FBXO33: variants seen among roughly 807,000 people sequenced by gnomAD.
FBXO33 encodes F-box protein 33, also known as F-box only protein 33.
Under a neutral mutation model 46.3 loss-of-function variants are expected in FBXO33, and 22 were observed. The ratio of observed to expected loss-of-function variants is 0.48; its 90% CI spans 0.34 to 0.68. FBXO33 has a LOEUF of 0.68. FBXO33 is among the 30% of genes least tolerant of loss of function. FBXO33 has a pLI of 0.01. For missense variants in FBXO33, 692 were observed against 708.8 expected, an observed-to-expected ratio of 0.98 and a Z score of 0.27; for synonymous variants, 337 against 291.3, an observed-to-expected ratio of 1.16 and a Z score of -1.60.
At position 39,401,800 on chromosome 14, in the gene FBXO33, C is replaced by T; in HGVS notation, c.772G>A (p.Gly258Arg). The T allele has an allele frequency of 6.2e-7, 1 of 1,614,096 alleles. No individual in the cohort carries two copies. Among genetic ancestry groups the T allele is most frequent in the Non-Finnish European group, 8.5e-7 (1 of 1,180,006 alleles). The part of the protein sequence containing the change: ...NSRQLKWLSC[G>R]FMLEIVTPTS... ...GGGGTTACTATTTCCAGCATAAACCCACAGGACAGCCATTTCAGTTGCCTA... is the reference window on the plus strand; with the variant it reads ...GGGGTTACTATTTCCAGCATAAACCTACAGGACAGCCATTTCAGTTGCCTA... Residue 258 changes from glycine to arginine, a missense_variant, in exon 3 of 4, where the codon GGG becomes AGG. Gly to Arg is a moderately radical substitution (Grantham distance 125). Coordinates refer to ENST00000298097, the MANE Select transcript of FBXO33 (RefSeq NM_203301.4).
intron 1 of FBXO33, among the ~76,000 whole-genome samples, chr14:39,419,358 T>TA (rs533187388): frequency 4.6e-5 from 7 of 151,908 alleles, no homozygotes; most frequent in African/African-American, 1.5e-4. Context: ...TAGAAAACCA[T>TA]AAAAAAAATG....
Position 39,405,304 on chromosome 14 carries a change from T to C in FBXO33, c.600-2793A>G, listed in dbSNP as rs1303994842. ...CTTGAACTGGAGTTTTGTTGGTCAA[T>C]GTAGAGAAAATGGACAGCCTCAAGC... is the stretch of plus-strand genomic sequence containing the variant. On this transcript the variant is annotated intron_variant, in intron 1 of 3. Transcript: ENST00000298097. Among the ~76,000 whole-genome samples the C allele has an allele frequency of 2.6e-5, 4 of 152,084 alleles. No individual in the cohort carries two copies. The East Asian group carries it at 7.7e-4, about 29-fold the overall frequency.
chr14:39,420,678 G>A (rs766107694), intron 1 of FBXO33, among the ~76,000 whole-genome samples: 4 of 151,684 alleles, frequency 2.6e-5, no homozygotes, highest in Non-Finnish European at 4.4e-5. Context: ...GGGACAGAGC[G>A]AAACTCTGTC....
intron 1 of FBXO33, among the ~76,000 whole-genome samples, chr14:39,420,477 T>A (rs997093773): frequency 1.3e-5 from 2 of 151,924 alleles, no homozygotes; most frequent in African/African-American, 4.8e-5. Flanking sequence ...GATCACGAGG[T>A]CAGATCGAGA....
At chr14:39,414,852 G>A (rs959816028) in intron 1 of FBXO33, among the ~76,000 whole-genome samples, 3 of 151,958 alleles carry the variant, frequency 2.0e-5, no homozygotes, top group African/African-American at 7.3e-5. Flanking sequence ...TGTAGGGATG[G>A]GGGTCTATGT....
In FBXO33 at chr14:39,431,243, A is replaced by C. The variant is rs528074822; in HGVS notation, c.599+321T>G. Among the ~76,000 whole-genome samples, 517 of 152,186 alleles carry C rather than the reference A, an allele frequency of 3.4e-3. 2 individuals are homozygous for C. Among genetic ancestry groups the C allele is most frequent in the Non-Finnish European group, 5.4e-3 (369 of 68,006 alleles). ...CACAGGCCTCACCCTCCCAGTCTTAACGCTCCCATATATAAAATGAAAAGT... is the reference window on the plus strand; with the variant it reads ...CACAGGCCTCACCCTCCCAGTCTTACCGCTCCCATATATAAAATGAAAAGT... On this transcript the variant is annotated intron_variant, in intron 1 of 3. Transcript: ENST00000298097.
intron 1 of FBXO33, among the ~76,000 whole-genome samples, chr14:39,417,449 T>C (rs1190440626): frequency 6.6e-6 from 1 of 152,250 alleles, no homozygotes; most frequent in Non-Finnish European, 1.5e-5. Flanking sequence ...CCTATCATGG[T>C]TTCTCAGTTA....
chr14:39,420,103 CCTA>C (rs1295172344), intron 1 of FBXO33, among the ~76,000 whole-genome samples: 1 of 152,184 alleles, frequency 6.6e-6, no homozygotes, highest in Non-Finnish European at 1.5e-5. Context: ...AGACTGCTCT[CCTA>C]CTTTTTGCTT....
chr14:39,424,882 G>A (rs1294688366), intron 1 of FBXO33, among the ~76,000 whole-genome samples: 2 of 151,960 alleles, frequency 1.3e-5, no homozygotes, highest in African/African-American at 2.4e-5. Context: ...GTGAAACCCC[G>A]TCTCTACTAA....
Position 39,401,270 on chromosome 14 carries a change from T to C in FBXO33, c.1302A>G (p.Thr434=), listed in dbSNP as rs767062419. Residue 434 remains threonine, a synonymous_variant, in exon 3 of 4, where the codon ACA becomes ACG. Transcript: ENST00000298097. ...HFILMNDVID[T]SGFPDLSDNR... is the part of the protein sequence containing the mutation. ...TGTCACTAAGATCTGGAAAACCAGA[T>C]GTGTCAATCACATCATTCATTAAAA... is the stretch of plus-strand genomic sequence containing the variant. The C allele has an allele frequency of 1.4e-5, 23 of 1,614,122 alleles. No individual in the cohort carries two copies. Among genetic ancestry groups the C allele is most frequent in the South Asian group, 8.8e-5 (8 of 91,066 alleles).
intron 3 of FBXO33, among the ~76,000 whole-genome samples, chr14:39,400,853 G>A (rs1273732821): frequency 6.6e-6 from 1 of 152,160 alleles, no homozygotes; most frequent in African/African-American, 2.4e-5. Flanking sequence ...ATGTTTTAAG[G>A]GGTCGTGTGA....
chr14:39,398,017 G>C lies in FBXO33; in HGVS notation c.*1499C>G, dbSNP rs2075350953. 6.6e-6 allele frequency: 1 copy of C among 152,592 alleles called. No homozygotes were observed. The highest frequency in any genetic ancestry group is 2.4e-5 in the African/African-American group (1 of 41,434). The allele number at this position is 152,592 out of a possible 1,614,324, so 9.5% of individuals were successfully genotyped here. On this transcript the variant is annotated 3_prime_UTR_variant, in exon 4 of 4. Coordinates refer to ENST00000298097, the MANE Select transcript of FBXO33 (RefSeq NM_203301.4). ...CAAAACAGTGCACACCTGTCAAAAGGTCATTTTAATATAAGATGGTAAAAC... is the reference window on the plus strand; with the variant it reads ...CAAAACAGTGCACACCTGTCAAAAGCTCATTTTAATATAAGATGGTAAAAC...
intron 1 of FBXO33, among the ~76,000 whole-genome samples, chr14:39,406,162 G>A (rs1160569802): frequency 6.6e-6 from 1 of 151,562 alleles, no homozygotes; most frequent in Non-Finnish European, 1.5e-5. Context: ...TTTTCCATAA[G>A]TTTTCTTAAA....
chr14:39,402,778 G>T (rs1052896503), intron 1 of FBXO33, among the ~76,000 whole-genome samples: 1 of 150,144 alleles, frequency 6.7e-6, no homozygotes, highest in African/African-American at 2.4e-5. Context: ...CGCCTCCCGG[G>T]TTCACACCAT....
At chr14:39,421,605 T>C (rs2075484339) in intron 1 of FBXO33, among the ~76,000 whole-genome samples, 1 of 152,184 alleles carries the variant, frequency 6.6e-6, no homozygotes, top group Non-Finnish European at 1.5e-5. Context: ...GTGACCATAG[T>C]AAGGAAGACC....
At position 39,399,591 on chromosome 14, in the gene FBXO33, G is replaced by T; in HGVS notation, c.1593C>A (p.Ile531=). ...LGQPWHAVMD[I]ESLSVFTEPN... Reference sequence around the variant, plus strand: ...GTTCAGTGAAGACACTGAGTGATTCGATGTCCATGACTGCATGCCAAGGTT... The same window carrying T: ...GTTCAGTGAAGACACTGAGTGATTCTATGTCCATGACTGCATGCCAAGGTT... Residue 531 remains isoleucine, a synonymous_variant, in exon 4 of 4, where the codon ATC becomes ATA. Transcript: ENST00000298097. The T allele has an allele frequency of 1.2e-6, 2 of 1,613,606 alleles. No homozygotes were observed. Among genetic ancestry groups the T allele is most frequent in the South Asian group, 2.2e-5 (2 of 90,968 alleles).
At chr14:39,412,461 A>C (rs746580801) in intron 1 of FBXO33, among the ~76,000 whole-genome samples, 2 of 152,238 alleles carry the variant, frequency 1.3e-5, no homozygotes, top group Non-Finnish European at 2.9e-5. Context: ...AGTGTCTTAC[A>C]GGCAGCACAT....
chr14:39,431,443 G>A, intron 1 of FBXO33, 121 bp downstream of exon 1: 2 of 1,516,590 alleles, frequency 1.3e-6, no homozygotes, highest in Non-Finnish European at 1.8e-6. Context: ...AACACTCTCC[G>A]TCACTGAGGA....
At chr14:39,416,442 T>C (rs2075449160) in intron 1 of FBXO33, among the ~76,000 whole-genome samples, 1 of 152,234 alleles carries the variant, frequency 6.6e-6, no homozygotes, top group African/African-American at 2.4e-5. Flanking sequence ...TCATTATTTC[T>C]TGAAACAGCT....
Sources: allele counts gnomAD v4.1 joint callset (sites outside exome capture counted in the v4.1 genomes callset), GRCh38; gene constraint gnomAD v4.1.1; transcripts MANE v1.5; gene names NCBI Gene and HGNC (gene_info 2026-07-23, HGNC 2026-07-21).